CAVIN2: variants seen among roughly 807,000 people sequenced by gnomAD.
CAVIN2 encodes the protein caveolae associated protein 2.
A neutral mutation model predicts 11.7 loss-of-function variants in CAVIN2; 13 were observed. The ratio of observed to expected loss-of-function variants is 1.11; its 90% CI spans 0.72 to 1.77. The LOEUF (loss-of-function observed/expected upper bound fraction) is 1.77, where lower values mean the gene tolerates loss of function less well. CAVIN2 is among the 40% of genes most tolerant of loss of function. The pLI is 0.00. For synonymous variants in CAVIN2, 237 were observed against 223.2 expected (o/e 1.06, Z -0.55); for missense variants, 549 against 542.9 (o/e 1.01, Z -0.11).
intron 1 of CAVIN2, 76 bp from the exon 2 acceptor site, chr2:191,836,793 G>T: frequency 7.4e-7 from 1 of 1,348,686 alleles, no homozygotes; most frequent in Non-Finnish European, 1.0e-6. Flanking sequence ...TAATACGTGT[G>T]TCTGTTTTGG....
intron 1 of CAVIN2, among the ~76,000 whole-genome samples, chr2:191,840,326 T>C (rs564718623): frequency 6.6e-5 from 10 of 152,320 alleles, no homozygotes; most frequent in African/African-American, 2.2e-4. Flanking sequence ...TAGGAATCCC[T>C]TGTGGGCTGC....
At chr2:191,843,171 G>A (rs1488785231) in intron 1 of CAVIN2, among the ~76,000 whole-genome samples, 1 of 152,160 alleles carries the variant, frequency 6.6e-6, no homozygotes, top group African/African-American at 2.4e-5. Context: ...GCAACAGAGC[G>A]AGACTCCGTC....
rs1689997200 is a variant in CAVIN2, at chr2:191,835,333, T to A, written c.*590A>T. 1 of 152,196 alleles carries A rather than the reference T, an allele frequency of 6.6e-6. No homozygotes were observed. The highest frequency in any genetic ancestry group is 2.1e-4 in the South Asian group (1 of 4,826). 9.4% of individuals were successfully genotyped at this position (152,196 alleles called of 1,614,324 possible). ...TACGTATCTTACTTCATTAGCTGAC[T>A]TTTATAATCTCTTCATTTTTCCTTC... On this transcript the variant is annotated 3_prime_UTR_variant, in exon 2 of 2. Transcript: ENST00000304141.
rs147167417 is a variant in CAVIN2, at chr2:191,836,535, C to T, written c.666G>A (p.Lys222=). The T allele has an allele frequency of 1.2e-6, 2 of 1,614,086 alleles. No homozygotes were observed. The highest frequency in any genetic ancestry group is 2.2e-5 in the East Asian group (1 of 44,870). Residue 222 remains lysine, a synonymous_variant, in exon 2 of 2, where the codon AAG becomes AAA. Transcript: ENST00000304141. ...EEALEDSAEE[K]VEESRAEKIK... ...TTTTCTCTGCCCTACTTTCTTCCACCTTTTCCTCGGCACTGTCTTCCAGGG... is the reference window on the plus strand; with the variant it reads ...TTTTCTCTGCCCTACTTTCTTCCACTTTTTCCTCGGCACTGTCTTCCAGGG...
intron 1 of CAVIN2, among the ~76,000 whole-genome samples, chr2:191,839,680 A>G (rs1178242144): frequency 6.6e-6 from 1 of 152,222 alleles, no homozygotes; most frequent in Non-Finnish European, 1.5e-5. Context: ...ATGTGTCTTT[A>G]TGCAACTGGA....
At chr2:191,839,515 T>C (rs1364404913) in intron 1 of CAVIN2, among the ~76,000 whole-genome samples, 1 of 152,170 alleles carries the variant, frequency 6.6e-6, no homozygotes, top group African/African-American at 2.4e-5. Context: ...TGATCTGTGG[T>C]AGATACACAC....
chr2:191,837,669 T>C (rs1262427236), intron 1 of CAVIN2, among the ~76,000 whole-genome samples: 1 of 152,226 alleles, frequency 6.6e-6, no homozygotes, highest in African/African-American at 2.4e-5. Flanking sequence ...GGAAGGGGGA[T>C]GGTGTTGCAA....
At position 191,836,049 on chromosome 2, in the gene CAVIN2, T is replaced by G. The variant is rs1182987946; in HGVS notation, c.1152A>C (p.Ser384=). ...CCTTCTGTGCCTGTTCCAGGGCCAC[T>G]GACTCCTCCTCTTCATCTTCCACAA... The part of the protein sequence containing the change: ...LTIVEDEEEE[S]VALEQAQKVR... Residue 384 remains serine (S), a synonymous_variant, in exon 2 of 2, where the codon TCA becomes TCC. Transcript: ENST00000304141. 6.2e-7 allele frequency: 1 copy of G among 1,614,238 alleles called. No homozygotes were observed. Among genetic ancestry groups the G allele is most frequent in the African/African-American group, 1.3e-5 (1 of 75,074 alleles).
rs759977099 is a variant in CAVIN2, at chr2:191,836,167, G to A, written c.1034C>T (p.Ala345Val). ...CTCTGCAATTTCCCCTTCCACCAGA[G>A]CGCTGGCGAGGGACGCTTCGGAATG... ...EGHSEASLAS[A>V]LVEGEIAEEA... The change falls in exon 2 of 2, where the codon GCT becomes GTT. Residue 345 changes from alanine (A) to valine (V), a missense_variant. Coordinates refer to ENST00000304141, the MANE Select transcript of CAVIN2 (RefSeq NM_004657.6). 2 of 1,614,176 alleles carry A rather than the reference G, an allele frequency of 1.2e-6. No homozygotes were observed. The highest frequency in any genetic ancestry group is 1.7e-5 in the Admixed American group (1 of 60,026).
chr2:191,842,671 A>G (rs563165667), intron 1 of CAVIN2, among the ~76,000 whole-genome samples: 2 of 152,254 alleles, frequency 1.3e-5, no homozygotes, highest in Admixed American at 6.5e-5. Flanking sequence ...TTTAAAAGAG[A>G]AAACTGCTGA....
chr2:191,843,089 C>T (rs1029504628), intron 1 of CAVIN2, among the ~76,000 whole-genome samples: 7 of 152,156 alleles, frequency 4.6e-5, no homozygotes, highest in African/African-American at 1.7e-4. Flanking sequence ...GAGGCTGAGG[C>T]AGGAGAATTG....
chr2:191,835,860 G>A lies in CAVIN2; in HGVS notation c.*63C>T, dbSNP rs558037098. On this transcript the variant is annotated 3_prime_UTR_variant, in exon 2 of 2. Coordinates refer to ENST00000304141, the MANE Select transcript of CAVIN2 (RefSeq NM_004657.6). Reference sequence around the variant, plus strand: ...TGAGTCGTGCTGGAGATGTGCAAGAGTTTGTTCTTCAGCCCTGGCTGCCCG... The same window carrying A: ...TGAGTCGTGCTGGAGATGTGCAAGAATTTGTTCTTCAGCCCTGGCTGCCCG... The A allele has an allele frequency of 1.3e-6, 2 of 1,507,214 alleles. No homozygotes were observed. Among genetic ancestry groups the A allele is most frequent in the African/African-American group, 1.4e-5 (1 of 73,020 alleles). 93.4% of individuals were successfully genotyped at this position (1,507,214 alleles called of 1,614,324 possible). A position where few individuals can be genotyped will look rare whatever the true frequency, so the allele number is the denominator to read the frequency against.
chr2:191,838,693 G>A (rs1485107173), intron 1 of CAVIN2, among the ~76,000 whole-genome samples: 6 of 152,204 alleles, frequency 3.9e-5, no homozygotes, highest in African/African-American at 1.4e-4. Flanking sequence ...GTTGCCTCTA[G>A]TTCCCCGGAG....
At chr2:191,841,036 C>T (rs1690085323) in intron 1 of CAVIN2, among the ~76,000 whole-genome samples, 1 of 152,138 alleles carries the variant, frequency 6.6e-6, no homozygotes, top group Admixed American at 6.5e-5. Flanking sequence ...CTCTTTTACA[C>T]ATTGATGGTT....
At chr2:191,846,391 A>G in intron 1 of CAVIN2, 52 bp downstream of exon 1, 1 of 1,535,526 alleles carries the variant, frequency 6.5e-7, no homozygotes, top group Non-Finnish European at 8.8e-7. Flanking sequence ...AGCGAGATCA[A>G]GAATGATAAG....
rs767266572 is a variant in CAVIN2 at position 191,846,776 on chromosome 2, G to A, written c.150C>T (p.Asn50=). The A allele has an allele frequency of 1.2e-6, 2 of 1,614,116 alleles. No individual in the cohort carries two copies. The change falls in exon 1 of 2, where the codon AAC becomes AAT. Residue 50 remains asparagine (N), a synonymous_variant. Transcript: ENST00000304141. ...GCACCGTGACTGCGTTCACCTGTGA[G>A]TTGTCCCGGATGGCCTCCTCTGTGT... is the stretch of plus-strand genomic sequence containing the variant. ...LGNTEEAIRD[N]SQVNAVTVLT... is the part of the protein sequence containing the mutation.
chr2:191,845,488 G>A lies in CAVIN2; in HGVS notation c.483+955C>T, dbSNP rs529931407. On this transcript the variant is annotated intron_variant, in intron 1 of 1. Transcript: ENST00000304141. ...GGTCACAACGAGACAGCCCTGGAGC[G>A]AGGATGGCAATCGCTTCCTGGGCTC... 3.3e-5 allele frequency among the ~76,000 whole-genome samples: 5 copies of A among 152,306 alleles called. No individual in the cohort carries two copies. The East Asian group carries it at 7.7e-4, about 23-fold the overall frequency.
intron 1 of CAVIN2, among the ~76,000 whole-genome samples, chr2:191,843,351 CT>C (rs1258583370): frequency 6.6e-6 from 1 of 152,164 alleles, no homozygotes; most frequent in Non-Finnish European, 1.5e-5. Context: ...TTCTCGCTCT[CT>C]TATTTTTACA....
rs1252818106 is a variant in CAVIN2, at chr2:191,835,505, ATAAT to A, written c.*414_*417del. On this transcript the variant is annotated 3_prime_UTR_variant, in exon 2 of 2. Coordinates refer to ENST00000304141, the MANE Select transcript of CAVIN2 (RefSeq NM_004657.6). ...ATTATATATCAACACTTAAAGAATA[ATAAT>A]TAGATTCACAGAGTACGGTGGAAAT... 1.2e-5 allele frequency: 2 copies of A among 165,046 alleles called. No homozygotes were observed. The highest frequency in any genetic ancestry group is 2.7e-5 in the Non-Finnish European group (2 of 75,422). 10.2% of individuals were successfully genotyped at this position (165,046 alleles called of 1,614,324 possible).
Sources: allele counts gnomAD v4.1 joint callset (sites outside exome capture counted in the v4.1 genomes callset), GRCh38; gene constraint gnomAD v4.1.1; transcripts MANE v1.5; gene names NCBI Gene and HGNC (gene_info 2026-07-23, HGNC 2026-07-21).